PRDM11: variants seen among roughly 807,000 people sequenced by gnomAD.
PRDM11 encodes PR/SET domain 11.
In PRDM11, 20 loss-of-function variants were observed where a neutral mutation model predicts 97.8. That is an observed-to-expected ratio of 0.20 (90% CI 0.14 to 0.30). PRDM11 has a LOEUF of 0.30. PRDM11 is among the 10% of genes least tolerant of loss of function. PRDM11 has a pLI of 1.00. For missense variants in PRDM11, 1,139 were observed against 1,555.2 expected (o/e 0.73, Z 4.50); for synonymous variants, 599 against 637.7 (o/e 0.94, Z 0.91).
rs1854457086 is a variant in PRDM11, at chr11:45,234,159, G to A, written c.*6000G>A. 6.6e-6 allele frequency: 1 copy of A among 152,350 alleles called. No individual in the cohort carries two copies. Among genetic ancestry groups the A allele is most frequent in the African/African-American group, 2.4e-5 (1 of 41,464 alleles). 9.4% of individuals were successfully genotyped at this position (152,350 alleles called of 1,614,324 possible). On this transcript the variant is annotated 3_prime_UTR_variant, in exon 8 of 8. Transcript: ENST00000683152. ...AAGCTGGCAGCATGACAGAGGGCTTGTGCAGCCCTGACGGGACCCAGAAGC... is the reference window on the plus strand; with the variant it reads ...AAGCTGGCAGCATGACAGAGGGCTTATGCAGCCCTGACGGGACCCAGAAGC...
chr11:45,128,806 C>T (rs976422713), intron 1 of PRDM11, among the ~76,000 whole-genome samples: 1 of 152,018 alleles, frequency 6.6e-6, no homozygotes, highest in Admixed American at 6.6e-5. Context: ...ACTTGCTTTA[C>T]AAGACCAATA....
chr11:45,125,644 G>A (rs1852551230), intron 1 of PRDM11, among the ~76,000 whole-genome samples: 1 of 152,138 alleles, frequency 6.6e-6, no homozygotes, highest in South Asian at 2.1e-4. Context: ...ATGTAGTTGA[G>A]CGGTTTTGAG....
chr11:45,184,123 G>A (rs1852616831), intron 4 of PRDM11, among the ~76,000 whole-genome samples: 2 of 152,210 alleles, frequency 1.3e-5, no homozygotes, highest in South Asian at 4.1e-4. Flanking sequence ...GTGAAGATTG[G>A]AGAGGTGCAT....
rs182197619 is a variant in PRDM11, at chr11:45,141,155, G to T, written c.97-40606G>T. Among the ~76,000 whole-genome samples the T allele has an allele frequency of 1.5e-3, 229 of 152,316 alleles. 1 individual carries two copies. The highest frequency in any genetic ancestry group is 1.5e-3 in the Non-Finnish European group (105 of 68,034). On this transcript the variant is annotated intron_variant, in intron 1 of 6. Coordinates refer to the PRDM11 transcript ENST00000530656. ...TTCTCCTGGCTAGACACACTGTTAA[G>T]AAATTTTGGTGAATAACTGCATGAT...
intron 1 of PRDM11, among the ~76,000 whole-genome samples, chr11:45,140,393 T>C (rs2902425): frequency 0.33 from 50,627 of 152,146 alleles, 9,495 homozygotes; most frequent in African/African-American, 0.49. Context: ...TCTTGGCTCC[T>C]GGCCCAGATC....
intron 1 of PRDM11, among the ~76,000 whole-genome samples, chr11:45,181,195 T>C (rs1852484894): frequency 1.3e-5 from 2 of 152,060 alleles, no homozygotes; most frequent in Admixed American, 1.3e-4. Context: ...GAGTGTCCCC[T>C]TGAGAGAGTC....
intron 5 of PRDM11, among the ~76,000 whole-genome samples, chr11:45,204,984 C>T (rs918450943): frequency 2.0e-5 from 3 of 152,220 alleles, no homozygotes; most frequent in South Asian, 2.1e-4. Context: ...GTGGTCAGGC[C>T]GTTGGGATGC....
intron 5 of PRDM11, among the ~76,000 whole-genome samples, chr11:45,207,924 T>A (rs1853573867): frequency 6.6e-6 from 1 of 152,216 alleles, no homozygotes; most frequent in African/African-American, 2.4e-5. Flanking sequence ...ATGTCCTCTC[T>A]TGGGTGGATT....
intron 1 of PRDM11, chr11:45,096,053 A>G: frequency 1.5e-6 from 1 of 656,900 alleles, no homozygotes; most frequent in Non-Finnish European, 2.8e-6. Flanking sequence ...TCTGTCTAAC[A>G]TTACCACCCT....
At chr11:45,140,100 GA>G (rs1161009174) in intron 1 of PRDM11, among the ~76,000 whole-genome samples, 1 of 152,072 alleles carries the variant, frequency 6.6e-6, no homozygotes, top group Non-Finnish European at 1.5e-5. Flanking sequence ...AAGGACATTT[GA>G]ACACCAAAAA....
intron 1 of PRDM11, among the ~76,000 whole-genome samples, chr11:45,113,787 TTTGTGTGTGTGTGTG>T (rs1428310281): frequency 1.0e-4 from 8 of 76,456 alleles, no homozygotes; most frequent in African/African-American, 4.1e-4. Flanking sequence ...GTGCTACTGA[TTTGTGTGTGTGTGTG>T]TGTGTGTGTG....
At chr11:45,104,646 C>T (rs553718281) in intron 1 of PRDM11, among the ~76,000 whole-genome samples, 5 of 152,312 alleles carry the variant, frequency 3.3e-5, no homozygotes, top group African/African-American at 9.6e-5. Flanking sequence ...GGCAGAAACA[C>T]AGCCCAGGGA....
intron 1 of PRDM11, among the ~76,000 whole-genome samples, chr11:45,147,135 C>T (rs1291362773): frequency 6.6e-6 from 1 of 151,356 alleles, no homozygotes; most frequent in Admixed American, 6.6e-5. Flanking sequence ...CGGGGGCCGC[C>T]CTCCGCCTCC....
chr11:45,196,971 A>G (rs967681835), intron 4 of PRDM11, among the ~76,000 whole-genome samples: 7 of 152,198 alleles, frequency 4.6e-5, no homozygotes, highest in African/African-American at 1.4e-4. Flanking sequence ...GTAAATACTA[A>G]TGCTTGTTGC....
At chr11:45,155,097 C>G (rs930103992) in intron 1 of PRDM11, among the ~76,000 whole-genome samples, 5 of 152,208 alleles carry the variant, frequency 3.3e-5, no homozygotes, top group Non-Finnish European at 5.9e-5. Context: ...GTGGGCCCAG[C>G]AGGCAGGAGG....
intron 4 of PRDM11, among the ~76,000 whole-genome samples, chr11:45,199,115 C>A (rs1195998574): frequency 6.6e-6 from 1 of 152,198 alleles, no homozygotes; most frequent in Non-Finnish European, 1.5e-5. Context: ...TGTGGATCCA[C>A]CTGGACCATG....
intron 1 of PRDM11, among the ~76,000 whole-genome samples, chr11:45,169,673 C>T (rs1230085294): frequency 1.3e-5 from 2 of 152,078 alleles, no homozygotes; most frequent in Non-Finnish European, 2.9e-5. Flanking sequence ...GAACACTAGG[C>T]ATAAATGGGT....
At chr11:45,103,726 A>G (rs1247168441) in intron 1 of PRDM11, among the ~76,000 whole-genome samples, 1 of 148,208 alleles carries the variant, frequency 6.7e-6, no homozygotes, top group Non-Finnish European at 1.5e-5. Context: ...TATATGTAAT[A>G]CTATATATAG....
Position 45,232,304 on chromosome 11 carries a change from G to A in PRDM11, c.*4145G>A, listed in dbSNP as rs1854413097. On this transcript the variant is annotated 3_prime_UTR_variant, in exon 8 of 8. Coordinates refer to ENST00000683152, the MANE Select transcript of PRDM11 (RefSeq NM_001384648.1). ...TGGAGCCTGATGGGACCCAGGAGGTGGCCTGAGGGGTTGAAGTATAACTTC... is the reference window on the plus strand; with the variant it reads ...TGGAGCCTGATGGGACCCAGGAGGTAGCCTGAGGGGTTGAAGTATAACTTC... The A allele has an allele frequency of 2.0e-5, 3 of 152,274 alleles. No individual in the cohort carries two copies. The allele number at this position is 152,274 out of a possible 1,614,324, so 9.4% of individuals were successfully genotyped here. A position where few individuals can be genotyped will look rare whatever the true frequency, so the allele number is the denominator to read the frequency against.
Sources: gnomAD v4.1 joint callset for allele counts (sites outside exome capture counted in the v4.1 genomes callset) on GRCh38, gnomAD v4.1.1 for gene constraint, MANE v1.5 for transcripts, NCBI Gene and HGNC (gene_info 2026-07-23, HGNC 2026-07-21) for gene names.